ENOX1: variants seen among roughly 807,000 people sequenced by gnomAD.
The protein encoded by ENOX1 is ecto-NOX disulfide-thiol exchanger 1.
In ENOX1, 42 loss-of-function variants were observed where a neutral mutation model predicts 82.5. That is an observed-to-expected ratio of 0.51 (90% CI 0.40 to 0.66). ENOX1 has a LOEUF of 0.66. ENOX1 is among the 30% of genes least tolerant of loss of function. The pLI is 0.00. For synonymous variants in ENOX1, 271 were observed against 282.2 expected (o/e 0.96, Z 0.40); for missense variants, 608 against 811.6 (o/e 0.75, Z 3.05).
At chr13:43,244,697 C>T (rs892363877) in intron 14 of ENOX1, among the ~76,000 whole-genome samples, 12 of 152,132 alleles carry the variant, frequency 7.9e-5, no homozygotes, top group East Asian at 1.9e-4. Context: ...CAAGGGCTGG[C>T]GGCCTCCATA....
Position 43,729,616 on chromosome 13 carries a change from T to G in ENOX1, c.-285+57036A>C, listed in dbSNP as rs1175224989. Among the ~76,000 whole-genome samples the G allele has an allele frequency of 2.6e-5, 4 of 152,222 alleles. No homozygotes were observed. The East Asian group carries it at 7.7e-4, about 29-fold the overall frequency. On this transcript the variant is annotated intron_variant, in intron 1 of 16. Transcript: ENST00000690772. Reference sequence around the variant, plus strand: ...GTAACAGCAGCCTTGGGTTAACATGTGCATTCTCTACCATCTCTCCCCATC... The same window carrying G: ...GTAACAGCAGCCTTGGGTTAACATGGGCATTCTCTACCATCTCTCCCCATC...
At chr13:43,543,941 T>C (rs1415557059) in intron 2 of ENOX1, 1 of 136,254 alleles carries the variant, frequency 7.3e-6, no homozygotes, top group Middle Eastern at 3.3e-3. Context: ...TTTGGATATG[T>C]AGTCTCACTC....
intron 7 of ENOX1, among the ~76,000 whole-genome samples, chr13:43,358,049 C>A (rs1206392594): frequency 1.3e-5 from 2 of 152,106 alleles, no homozygotes; most frequent in African/African-American, 4.8e-5. Flanking sequence ...ATGGGGCAGA[C>A]CAAGGAGCAA....
intron 3 of ENOX1, among the ~76,000 whole-genome samples, chr13:43,439,214 C>A (rs2056218797): frequency 6.6e-6 from 1 of 150,540 alleles, no homozygotes; most frequent in Non-Finnish European, 1.5e-5. Flanking sequence ...TCACACCTGG[C>A]TAATTTTTTT....
intron 2 of ENOX1, among the ~76,000 whole-genome samples, chr13:43,558,917 A>C (rs2079553376): frequency 6.6e-6 from 1 of 152,194 alleles, no homozygotes; most frequent in Admixed American, 6.5e-5. Flanking sequence ...ATCCCCTGCC[A>C]CACTTCATCC....
At chr13:43,227,709 CT>C (rs1158349051) in intron 15 of ENOX1, among the ~76,000 whole-genome samples, 2 of 151,930 alleles carry the variant, frequency 1.3e-5, no homozygotes, top group Non-Finnish European at 2.9e-5. Context: ...CTTGAGTGTT[CT>C]TTTAGGAGGG....
chr13:43,589,810 G>T (rs76482098), intron 2 of ENOX1, among the ~76,000 whole-genome samples: 2 of 151,146 alleles, frequency 1.3e-5, no homozygotes, highest in East Asian at 1.9e-4. Context: ...GCCTGGCCCA[G>T]GCCAAATAAT....
At chr13:43,284,891 G>A (rs1044695271) in intron 12 of ENOX1, among the ~76,000 whole-genome samples, 1 of 151,714 alleles carries the variant, frequency 6.6e-6, no homozygotes, top group African/African-American at 2.4e-5. Context: ...AAACTGGAGA[G>A]GTAATGAGAG....
intron 16 of ENOX1, among the ~76,000 whole-genome samples, chr13:43,219,284 G>A (rs904244044): frequency 3.9e-5 from 6 of 152,158 alleles, no homozygotes; most frequent in Admixed American, 3.9e-4. Flanking sequence ...CATATTATGA[G>A]GAGATGATTG....
chr13:43,524,653 C>T (rs2077914410), intron 2 of ENOX1, among the ~76,000 whole-genome samples: 1 of 152,052 alleles, frequency 6.6e-6, no homozygotes, highest in African/African-American at 2.4e-5. Context: ...TTTGTACATG[C>T]CTGTTCCTCT....
chr13:43,393,144 T>C (rs2052904739), intron 5 of ENOX1, among the ~76,000 whole-genome samples: 2 of 152,238 alleles, frequency 1.3e-5, no homozygotes, highest in African/African-American at 4.8e-5. Flanking sequence ...ATTTTTTAAT[T>C]GCTGCTTGAA....
chr13:43,317,771 C>T (rs866543136), intron 11 of ENOX1, among the ~76,000 whole-genome samples: 6 of 151,354 alleles, frequency 4.0e-5, no homozygotes, highest in Middle Eastern at 3.4e-3. Context: ...TTTGGGAGGC[C>T]GAGGTGAGCG....
At chr13:43,581,608 C>T (rs2080744809) in intron 2 of ENOX1, among the ~76,000 whole-genome samples, 1 of 152,184 alleles carries the variant, frequency 6.6e-6, no homozygotes, top group South Asian at 2.1e-4. Context: ...GTTTTAAAAA[C>T]ATTTTCCAAA....
intron 12 of ENOX1, among the ~76,000 whole-genome samples, chr13:43,277,564 C>T (rs1488434767): frequency 6.6e-6 from 1 of 152,148 alleles, no homozygotes; most frequent in Non-Finnish European, 1.5e-5. Flanking sequence ...CCTGCTGCAC[C>T]CTGACCTGGC....
chr13:43,312,950 C>G (rs2047291472), intron 11 of ENOX1, among the ~76,000 whole-genome samples: 1 of 152,188 alleles, frequency 6.6e-6, no homozygotes, highest in Non-Finnish European at 1.5e-5. Flanking sequence ...CTACCTTTGC[C>G]TCTAAAAGGC....
intron 3 of ENOX1, among the ~76,000 whole-genome samples, chr13:43,466,582 T>C (rs2057733273): frequency 6.6e-6 from 1 of 152,168 alleles, no homozygotes; most frequent in Admixed American, 6.6e-5. Flanking sequence ...ACCAAACAAC[T>C]ATCAGAACTA....
At chr13:43,753,961 A>AG (rs1566880320) in intron 1 of ENOX1, among the ~76,000 whole-genome samples, 4 of 149,118 alleles carry the variant, frequency 2.7e-5, no homozygotes, top group African/African-American at 9.9e-5. Flanking sequence ...AGAGACATAA[A>AG]CTGATGTATT....
At chr13:43,361,978 A>T (rs1264300878) in intron 5 of ENOX1, among the ~76,000 whole-genome samples, 4 of 29,642 alleles carry the variant, frequency 1.3e-4, no homozygotes, top group Non-Finnish European at 3.3e-4. Context: ...CCCCTGGAAT[A>T]AAAAAAAAAA....
intron 2 of ENOX1, among the ~76,000 whole-genome samples, chr13:43,609,438 A>C (rs2082108473): frequency 6.6e-6 from 1 of 152,216 alleles, no homozygotes; most frequent in African/African-American, 2.4e-5. Flanking sequence ...GTTTTGGTAC[A>C]ATGAATAATT....
Sources: allele counts gnomAD v4.1 joint callset (sites outside exome capture counted in the v4.1 genomes callset), GRCh38; gene constraint gnomAD v4.1.1; transcripts MANE v1.5; gene names NCBI Gene and HGNC (gene_info 2026-07-23, HGNC 2026-07-21).